RSAD2: variants seen among roughly 807,000 people sequenced by gnomAD.
The protein encoded by RSAD2 is S-adenosylmethionine-dependent nucleotide dehydratase RSAD2.
In RSAD2, 38 loss-of-function variants were observed where a neutral mutation model predicts 37.7. The ratio of observed to expected loss-of-function variants is 1.01; its 90% CI spans 0.78 to 1.32. The LOEUF (loss-of-function observed/expected upper bound fraction) is 1.32, where lower values mean the gene tolerates loss of function less well. Ranked by LOEUF, RSAD2 falls within the 40% of genes most tolerant of loss-of-function variation. RSAD2 has a pLI of 0.00. For synonymous variants in RSAD2, 163 were observed against 157.4 expected (o/e 1.04, Z -0.27); for missense variants, 428 against 437.5 (o/e 0.98, Z 0.19).
chr2:6,895,805 CG>C lies in RSAD2; in HGVS notation c.951del (p.Lys318ArgfsTer12), dbSNP rs759101577. The C allele has an allele frequency of 6.8e-6, 11 of 1,613,768 alleles. No individual in the cohort carries two copies. Among genetic ancestry groups the C allele is most frequent in the Non-Finnish European group, 9.3e-6 (11 of 1,179,820 alleles). On this transcript the variant is annotated frameshift_variant, in exon 6 of 6. Transcript: ENST00000382040. LOFTEE classifies it high-confidence loss of function. ...YMRFLNCRKG[R>X]KDPSKSILDV... ...GCGCTTTCTGAACTGTAGAAAGGGACGGAAGGACCCTTCCAAGTCCATCCTG... is the reference window on the plus strand; with the variant it reads ...GCGCTTTCTGAACTGTAGAAAGGGACGAAGGACCCTTCCAAGTCCATCCTG...
intron 1 of RSAD2, among the ~76,000 whole-genome samples, chr2:6,868,980 G>A (rs549336623): frequency 2.0e-4 from 31 of 152,342 alleles, no homozygotes; most frequent in African/African-American, 7.5e-4. Context: ...GATTAACGAT[G>A]TGCACCTCAT....
In RSAD2 at chr2:6,883,393, AG is replaced by A. The variant is rs1183162704; in HGVS notation, c.371del (p.Gly124ValfsTer17). On this transcript the variant is annotated frameshift_variant, in exon 2 of 6. Coordinates refer to ENST00000382040, the MANE Select transcript of RSAD2 (RefSeq NM_080657.5). LOFTEE classifies it high-confidence loss of function. ...CAGGTATGGAGAAGATCAACTTTTCAGGTGGAGAGCCATTTCTTCAAGACCG... is the reference window on the plus strand; with the variant it reads ...CAGGTATGGAGAAGATCAACTTTTCAGTGGAGAGCCATTTCTTCAAGACCG... The part of the protein sequence containing the change: ...EAGMEKINFS[G>X]GEPFLQDRGE... 1.9e-6 allele frequency: 3 copies of A among 1,614,192 alleles called. No individual in the cohort carries two copies. Among genetic ancestry groups the A allele is most frequent in the Non-Finnish European group, 2.5e-6 (3 of 1,180,030 alleles).
rs370537733 is a variant in RSAD2, at chr2:6,877,786, C to T, written c.-15C>T. ...CTGGCATACAGAGACTGCTCTGCTC[C>T]AGGCATCTGCCACAATGTGGGTGCT... On this transcript the variant is annotated 5_prime_UTR_variant, in exon 1 of 6. Coordinates refer to ENST00000382040, the MANE Select transcript of RSAD2 (RefSeq NM_080657.5). 52 of 1,607,054 alleles carry T rather than the reference C, an allele frequency of 3.2e-5. No homozygotes were observed. In the African/African-American group the frequency reaches 6.4e-4, roughly 20 times the overall value.
At chr2:6,874,188 T>A (rs2103236863), upstream of RSAD2, among the ~76,000 whole-genome samples, 1 of 152,218 alleles carries the variant, frequency 6.6e-6, no homozygotes, top group East Asian at 1.9e-4. Flanking sequence ...CTTCTCCCCC[T>A]TTTCCTTCTG....
intron 1 of RSAD2, among the ~76,000 whole-genome samples, chr2:6,870,124 C>T (rs532166372): frequency 1.3e-4 from 20 of 152,186 alleles, no homozygotes; most frequent in South Asian, 2.1e-4. Flanking sequence ...TCCTTTTGTT[C>T]TCTGGAAAAT....
In RSAD2 at chr2:6,871,339, A is replaced by G. The variant is rs1316688446; in HGVS notation, c.142+5294A>G. Among the ~76,000 whole-genome samples the G allele has an allele frequency of 2.0e-5, 3 of 152,164 alleles. No homozygotes were observed. In the East Asian group the frequency reaches 5.8e-4, roughly 29 times the overall value. Reference sequence around the variant, plus strand: ...TCCTTCCTCTTTCAGGTTTTCACCTAGTTATTTTAAGAAAAGGTTCTAAAC... The same window carrying G: ...TCCTTCCTCTTTCAGGTTTTCACCTGGTTATTTTAAGAAAAGGTTCTAAAC... On this transcript the variant is annotated intron_variant, in intron 1 of 5. Transcript: ENST00000442639.
intron 1 of RSAD2, chr2:6,878,696 T>G: frequency 3.9e-5 from 13 of 330,478 alleles, no homozygotes; most frequent in Non-Finnish European, 6.0e-5. Flanking sequence ...GAATGCTTAC[T>G]GAGCATCACC....
chr2:6,872,305 AG>A (rs1161943395), intron 1 of RSAD2, among the ~76,000 whole-genome samples: 4 of 152,212 alleles, frequency 2.6e-5, no homozygotes, highest in Non-Finnish European at 5.9e-5. Context: ...GAAGAACAAG[AG>A]TTCTTTGGAT....
At chr2:6,871,370 C>A (rs1371997986) in intron 1 of RSAD2, among the ~76,000 whole-genome samples, 1 of 152,226 alleles carries the variant, frequency 6.6e-6, no homozygotes, top group East Asian at 1.9e-4. Context: ...TAAACTATTT[C>A]TCTAGACTCA....
intron 1 of RSAD2, among the ~76,000 whole-genome samples, chr2:6,869,419 C>G (rs1180164315): frequency 2.0e-5 from 3 of 152,038 alleles, no homozygotes; most frequent in Non-Finnish European, 4.4e-5. Flanking sequence ...AGAGCCCACT[C>G]TTATTTCAGA....
Position 6,890,158 on chromosome 2 carries a change from A to G in RSAD2, c.739-18A>G. 1.2e-6 allele frequency: 2 copies of G among 1,612,704 alleles called. No homozygotes were observed. The highest frequency in any genetic ancestry group is 1.7e-6 in the Non-Finnish European group (2 of 1,178,994). On this transcript the variant is annotated intron_variant, in intron 3 of 5. Coordinates refer to ENST00000382040, the MANE Select transcript of RSAD2 (RefSeq NM_080657.5). ...ATGGAAAGCTCTCTGCAAAGCAAAC[A>G]CTACCATTGCCTTTCAGGTGTTCCA...
At position 6,883,384 on chromosome 2, in the gene RSAD2, C is replaced by A. The variant is rs111411521; in HGVS notation, c.360C>A (p.Ile120=). 7.4e-6 allele frequency: 12 copies of A among 1,614,100 alleles called. No homozygotes were observed. The African/African-American group carries it at 8.0e-5, about 11-fold the overall frequency. The part of the protein sequence containing the change: ...LLLKEAGMEK[I]NFSGGEPFLQ... Reference sequence around the variant, plus strand: ...CACCTTGCACAGGTATGGAGAAGATCAACTTTTCAGGTGGAGAGCCATTTC... The same window carrying A: ...CACCTTGCACAGGTATGGAGAAGATAAACTTTTCAGGTGGAGAGCCATTTC... The change falls in exon 2 of 6, where the codon ATC becomes ATA. Residue 120 remains isoleucine, a synonymous_variant. Coordinates refer to ENST00000382040, the MANE Select transcript of RSAD2 (RefSeq NM_080657.5).
At position 6,887,110 on chromosome 2, in the gene RSAD2, C is replaced by G; in HGVS notation, c.684C>G (p.Asn228Lys). The change falls in exon 3 of 6, where the codon AAC becomes AAG. Residue 228 changes from asparagine to lysine, a missense_variant. Asn to Lys is a moderately conservative substitution (Grantham distance 94, BLOSUM62 0). Transcript: ENST00000382040. ...FKINSVINRF[N>K]VEEDMTEQIK... ...TAAATTCTGTCATTAATCGTTTCAACGTGGAAGAGGACATGACGGAACAGA... is the reference window on the plus strand; with the variant it reads ...TAAATTCTGTCATTAATCGTTTCAAGGTGGAAGAGGACATGACGGAACAGA... The G allele has an allele frequency of 6.3e-7, 1 of 1,588,596 alleles. No individual in the cohort carries two copies. Among genetic ancestry groups the G allele is most frequent in the Non-Finnish European group, 8.6e-7 (1 of 1,162,716 alleles).
chr2:6,868,886 A>T (rs574761072), intron 1 of RSAD2, among the ~76,000 whole-genome samples: 1 of 152,140 alleles, frequency 6.6e-6, no homozygotes, highest in Non-Finnish European at 1.5e-5. Flanking sequence ...GGCTCTTTAT[A>T]TTCATGGTTG....
chr2:6,873,688 T>G (rs1663235915), upstream of RSAD2, among the ~76,000 whole-genome samples: 1 of 152,260 alleles, frequency 6.6e-6, no homozygotes, highest in African/African-American at 2.4e-5. Context: ...CATATGATTC[T>G]GCTTAATCAA....
At chr2:6,877,746 A>G (rs914573051), upstream of RSAD2, 3 of 1,370,802 alleles carry the variant, frequency 2.2e-6, no homozygotes, top group Admixed American at 4.3e-5. Flanking sequence ...TTCCATCCCT[A>G]TATAAAGAGA....
chr2:6,895,882 G>A lies in RSAD2; in HGVS notation c.1026G>A (p.Met342Ile), dbSNP rs1196839224. 1.9e-6 allele frequency: 3 copies of A among 1,614,062 alleles called. No homozygotes were observed. Among genetic ancestry groups the A allele is most frequent in the African/African-American group, 2.7e-5 (2 of 74,930 alleles). Residue 342 changes from methionine (M) to isoleucine (I), a missense_variant, in exon 6 of 6, where the codon ATG becomes ATA. Met to Ile is a conservative substitution (Grantham distance 10). Coordinates refer to ENST00000382040, the MANE Select transcript of RSAD2 (RefSeq NM_080657.5). ...AATTCAGTGGATTTGATGAAAAGAT[G>A]TTTCTGAAGCGAGGAGGAAAATACA... ...AIKFSGFDEK[M>I]FLKRGGKYIW...
At chr2:6,879,964 GATA>G (rs1321374613) in intron 1 of RSAD2, among the ~76,000 whole-genome samples, 1 of 151,998 alleles carries the variant, frequency 6.6e-6, no homozygotes, top group Non-Finnish European at 1.5e-5. Flanking sequence ...ATTATCTTTA[GATA>G]ATAATGATAA....
At chr2:6,885,842 T>A (rs1005399633) in intron 2 of RSAD2, among the ~76,000 whole-genome samples, 1 of 152,242 alleles carries the variant, frequency 6.6e-6, no homozygotes, top group Non-Finnish European at 1.5e-5. Flanking sequence ...CACAATGTGA[T>A]ATGCCATTAG....
Sources: allele counts gnomAD v4.1 joint callset (sites outside exome capture counted in the v4.1 genomes callset), GRCh38; gene constraint gnomAD v4.1.1; transcripts MANE v1.5; gene names NCBI Gene and HGNC (gene_info 2026-07-23, HGNC 2026-07-21).